Variants in CCDC32 observed in about 807,000 individuals in gnomAD.
CCDC32 encodes the protein coiled-coil domain containing 32.
In CCDC32, 9 loss-of-function variants were observed where a neutral mutation model predicts 20.1. The ratio of observed to expected loss-of-function variants is 0.45; its 90% CI spans 0.27 to 0.78. The LOEUF (loss-of-function observed/expected upper bound fraction) is 0.78. Among genes scored for constraint, CCDC32 ranks in the 30% least tolerant of loss-of-function variants. CCDC32 has a pLI of 0.16. For missense variants in CCDC32, 204 were observed against 215.5 expected, an observed-to-expected ratio of 0.95 and a Z score of 0.33; for synonymous variants, 63 against 79.0, an observed-to-expected ratio of 0.80 and a Z score of 1.07.
downstream of CCDC32, chr15:40,535,716 TGTG>T (rs35119714): frequency 0.32 from 278,789 of 863,530 alleles, 48,011 homozygotes; most frequent in Middle Eastern, 0.35. Context: ...TTTGAGCACA[TGTG>T]GTTTATTTAA....
At chr15:40,561,722 G>A (rs985343572) in intron 2 of CCDC32, among the ~76,000 whole-genome samples, 8 of 151,466 alleles carry the variant, frequency 5.3e-5, no homozygotes, top group African/African-American at 9.7e-5. Flanking sequence ...AGGGCCAAGC[G>A]CGGTGGCACA....
At chr15:40,527,096 G>T (rs1457868900), downstream of CCDC32, among the ~76,000 whole-genome samples, 6 of 151,942 alleles carry the variant, frequency 3.9e-5, no homozygotes, top group African/African-American at 1.5e-4. Flanking sequence ...GATTATAGGT[G>T]CAGGCCACCA....
At chr15:40,562,679 C>A (rs914828284) in intron 2 of CCDC32, 93 bp downstream of exon 2, 4 of 1,384,428 alleles carry the variant, frequency 2.9e-6, no homozygotes, top group African/African-American at 2.9e-5. Context: ...CTGACAGATA[C>A]GTGTGACAGG....
intron 3 of CCDC32, among the ~76,000 whole-genome samples, chr15:40,540,378 T>C (rs1889338842): frequency 6.6e-6 from 1 of 151,260 alleles, no homozygotes; most frequent in Non-Finnish European, 1.5e-5. Context: ...TTCTTTTTTT[T>C]TTTTTTTGAG....
intron 2 of CCDC32, among the ~76,000 whole-genome samples, chr15:40,558,729 G>C (rs987125230): frequency 6.6e-6 from 1 of 152,028 alleles, no homozygotes; most frequent in Admixed American, 6.6e-5. Flanking sequence ...ACTGACTTTA[G>C]AGAAGATCAT....
chr15:40,543,423 G>A (rs1240172700), intron 3 of CCDC32, among the ~76,000 whole-genome samples: 5 of 151,996 alleles, frequency 3.3e-5, no homozygotes, highest in South Asian at 2.1e-4. Flanking sequence ...AACTAGATTC[G>A]TCAGCCTCTC....
At chr15:40,555,879 C>G (rs1328982666) in intron 3 of CCDC32, among the ~76,000 whole-genome samples, 6 of 152,152 alleles carry the variant, frequency 3.9e-5, no homozygotes, top group Non-Finnish European at 8.8e-5. Flanking sequence ...TTACTCCCCC[C>G]CATTGATTTT....
At chr15:40,538,872 G>A (rs1256920560), downstream of CCDC32, 3 of 220,216 alleles carry the variant, frequency 1.4e-5, no homozygotes, top group East Asian at 1.0e-4. Context: ...GTCTGGGGGA[G>A]CTCTGAGTAT....
At chr15:40,544,315 G>T (rs561731038) in intron 3 of CCDC32, among the ~76,000 whole-genome samples, 13 of 152,308 alleles carry the variant, frequency 8.5e-5, no homozygotes, top group African/African-American at 2.9e-4. Context: ...CTGGGCTCAA[G>T]CAATCCTCCC....
chr15:40,524,398 C>T (rs976568012), downstream of CCDC32, among the ~76,000 whole-genome samples: 6 of 151,830 alleles, frequency 4.0e-5, no homozygotes, highest in East Asian at 1.9e-4. Flanking sequence ...CCTCGTGATC[C>T]GCCCACCTCG....
intron 3 of CCDC32, among the ~76,000 whole-genome samples, chr15:40,529,836 T>C (rs1357088266): frequency 6.6e-6 from 1 of 151,142 alleles, no homozygotes; most frequent in African/African-American, 2.4e-5. Flanking sequence ...TAATTTTTTG[T>C]GTTTTTAGTA....
At chr15:40,524,302 A>G (rs1218344445), downstream of CCDC32, among the ~76,000 whole-genome samples, 2 of 150,988 alleles carry the variant, frequency 1.3e-5, no homozygotes, top group African/African-American at 2.4e-5. Context: ...GACTATAGGC[A>G]CCCGCCACCA....
chr15:40,530,458 G>A (rs1888838641), downstream of CCDC32, among the ~76,000 whole-genome samples: 1 of 149,784 alleles, frequency 6.7e-6, no homozygotes, highest in Admixed American at 6.7e-5. Context: ...AAAGAGCCTG[G>A]CACCTCCTCT....
intron 1 of CCDC32, 104 bp downstream of exon 1, chr15:40,564,872 T>C: frequency 6.5e-7 from 1 of 1,543,860 alleles, no homozygotes; most frequent in Non-Finnish European, 9.0e-7. Flanking sequence ...TCTAGGGCTG[T>C]CTGGACGGGA....
chr15:40,532,043 A>G (rs999249276), downstream of CCDC32: 14 of 406,380 alleles, frequency 3.4e-5, no homozygotes, highest in African/African-American at 2.7e-4. Flanking sequence ...CATCTGTGCT[A>G]ATGTCCACGA....
At chr15:40,561,345 C>T (rs1437868531) in intron 2 of CCDC32, among the ~76,000 whole-genome samples, 4 of 152,034 alleles carry the variant, frequency 2.6e-5, no homozygotes, top group East Asian at 1.9e-4. Flanking sequence ...TGGTGGTGGG[C>T]GACTGTAATC....
intron 3 of CCDC32, chr15:40,539,473 G>A (rs1889281941): frequency 1.2e-6 from 1 of 868,320 alleles, no homozygotes; most frequent in South Asian, 1.5e-5. Flanking sequence ...GTGCGAAGGT[G>A]CGAGGAAGTG....
At chr15:40,535,357 T>G (rs1206332031), downstream of CCDC32, 1 of 1,122,088 alleles carries the variant, frequency 8.9e-7, no homozygotes, top group East Asian at 5.7e-5. Context: ...TTTTAAAGTC[T>G]GCACTGAACA....
rs567568767 is a variant in CCDC32 at position 40,564,871 on chromosome 15, G to A, written c.-13+105C>T. On this transcript the variant is annotated intron_variant, in intron 1 of 3. Transcript: ENST00000416810. ...CTCAGTCGCTCAGGTCTCTAGGGCT[G>A]TCTGGACGGGATGAATCAGGTCCCA... 4.1e-5 allele frequency: 63 copies of A among 1,540,564 alleles called. No individual in the cohort carries two copies. In the African/African-American group the frequency reaches 7.2e-4, roughly 18 times the overall value.
Sources: gnomAD v4.1 joint callset for allele counts (sites outside exome capture counted in the v4.1 genomes callset) on GRCh38, gnomAD v4.1.1 for gene constraint, MANE v1.5 for transcripts, NCBI Gene and HGNC (gene_info 2026-07-23, HGNC 2026-07-21) for gene names.